RYR3: variants seen among roughly 807,000 people sequenced by gnomAD.
RYR3 encodes brain ryanodine receptor-calcium release channel.
In RYR3, 207 loss-of-function variants were observed where a neutral mutation model predicts 584.3. The ratio of observed to expected loss-of-function variants is 0.35; its 90% CI spans 0.32 to 0.40. The LOEUF (loss-of-function observed/expected upper bound fraction) is 0.40. Among genes scored for constraint, RYR3 ranks in the 10% least tolerant of loss-of-function variants. The pLI, the probability that RYR3 is intolerant of heterozygous loss-of-function variation, is 1.00. For missense variants in RYR3, 5,616 were observed against 6,089.2 expected (o/e 0.92, Z 2.59); for synonymous variants, 2,416 against 2,248.5 (o/e 1.07, Z -2.11).
chr15:33,554,179 T>A (rs914234874), intron 10 of RYR3, among the ~76,000 whole-genome samples: 42 of 152,280 alleles, frequency 2.8e-4, no homozygotes, highest in African/African-American at 9.9e-4. Flanking sequence ...TGCTTTATTT[T>A]TGCATCCCAG....
chr15:33,672,221 C>T (rs996497234), intron 38 of RYR3, among the ~76,000 whole-genome samples: 11 of 152,134 alleles, frequency 7.2e-5, no homozygotes, highest in African/African-American at 7.2e-5. Flanking sequence ...GATGAAGTCA[C>T]TTGTCACCTG....
intron 2 of RYR3, among the ~76,000 whole-genome samples, chr15:33,475,864 A>G (rs1057365923): frequency 3.9e-5 from 6 of 152,226 alleles, no homozygotes; most frequent in African/African-American, 1.4e-4. Flanking sequence ...TTATGATTTC[A>G]TATTGTACAA....
At position 33,834,970 on chromosome 15, in the gene RYR3, C is replaced by T. The variant is rs1567277782; in HGVS notation, c.11466C>T (p.Gly3822=). The T allele has an allele frequency of 6.2e-7, 1 of 1,613,512 alleles. No homozygotes were observed. The highest frequency in any genetic ancestry group is 2.2e-5 in the East Asian group (1 of 44,864). The part of the protein sequence containing the change: ...IFNSLTEYIQ[G]PCIGNQQSLA... ...TAAGAATGTCCTCTTCTCTGCAGGGCCCTTGCATTGGTAATCAACAGAGCC... is the reference window on the plus strand; with the variant it reads ...TAAGAATGTCCTCTTCTCTGCAGGGTCCTTGCATTGGTAATCAACAGAGCC... The change falls in exon 87 of 104, where the codon GGC becomes GGT. Residue 3822 remains glycine, a splice_region_variant and synonymous_variant. Coordinates refer to ENST00000634891, the MANE Select transcript of RYR3 (RefSeq NM_001036.6).
At chr15:33,530,410 A>G (rs1305818669) in intron 3 of RYR3, among the ~76,000 whole-genome samples, 182 bp from the exon 4 acceptor site, 2 of 152,174 alleles carry the variant, frequency 1.3e-5, no homozygotes. Flanking sequence ...AGGATGTTGC[A>G]TGGCTGTGGT....
intron 92 of RYR3, 76 bp downstream of exon 92, chr15:33,843,650 C>T (rs1009784466): frequency 1.7e-5 from 18 of 1,042,244 alleles, no homozygotes; most frequent in Non-Finnish European, 2.4e-5. Flanking sequence ...AGAATCATGA[C>T]AGAATTTGTG....
Position 33,854,783 on chromosome 15 carries a change from C to G in RYR3, c.13878C>G (p.Ala4626=), listed in dbSNP as rs1395244417. 1 of 1,609,704 alleles carries G rather than the reference C, an allele frequency of 6.2e-7. No homozygotes were observed. Among genetic ancestry groups the G allele is most frequent in the South Asian group, 1.1e-5 (1 of 89,854 alleles). ...ATTCCCAGTCCTTTCTCTACCTTGCCTGGTATACAACCATGTCAGTCCTGG... is the reference window on the plus strand; with the variant it reads ...ATTCCCAGTCCTTTCTCTACCTTGCGTGGTATACAACCATGTCAGTCCTGG... ...VFTDNSFLYL[A]WYTTMSVLGH... The change falls in exon 98 of 104, where the codon GCC becomes GCG. Residue 4626 remains alanine (A), a synonymous_variant. Transcript: ENST00000634891.
chr15:33,656,314 A>G (rs1400264116), intron 32 of RYR3, among the ~76,000 whole-genome samples: 1 of 152,236 alleles, frequency 6.6e-6, no homozygotes, highest in Non-Finnish European at 1.5e-5. Context: ...TGGTTGCGCA[A>G]TCCATGGGCA....
chr15:33,725,997 A>AAG (rs2068420591), intron 45 of RYR3, among the ~76,000 whole-genome samples: 2 of 132,228 alleles, frequency 1.5e-5, no homozygotes, highest in African/African-American at 5.7e-5. Flanking sequence ...AAAAAAAAAA[A>AAG]CAGAATTCTA....
chr15:33,857,992 C>G lies in RYR3; in HGVS notation c.14142+78C>G, dbSNP rs931604078. The G allele has an allele frequency of 1.6e-5, 26 of 1,577,160 alleles. No individual in the cohort carries two copies. In the African/African-American group the frequency reaches 3.4e-4, roughly 20 times the overall value. ...CCCACCACCTCACTGGGAAGAAGGG[C>G]TGTGTGGGGGTGCTCTTGAGAACTG... On this transcript the variant is annotated intron_variant, in intron 99 of 103. Coordinates refer to ENST00000634891, the MANE Select transcript of RYR3 (RefSeq NM_001036.6).
At chr15:33,832,502 A>G (rs1422100601) in intron 86 of RYR3, among the ~76,000 whole-genome samples, 5 of 151,758 alleles carry the variant, frequency 3.3e-5, no homozygotes, top group Admixed American at 3.3e-4. Flanking sequence ...TAAAAAATAC[A>G]AAAATTAGCT....
intron 87 of RYR3, among the ~76,000 whole-genome samples, chr15:33,836,056 T>C (rs2078022919): frequency 6.6e-6 from 1 of 152,054 alleles, no homozygotes; most frequent in Non-Finnish European, 1.5e-5. Context: ...CCATAGGTGA[T>C]GAAGATTCCT....
chr15:33,493,598 T>G (rs2051161574), intron 2 of RYR3, among the ~76,000 whole-genome samples: 1 of 152,204 alleles, frequency 6.6e-6, no homozygotes, highest in African/African-American at 2.4e-5. Flanking sequence ...GGTTCCAACT[T>G]TTCACCTATT....
intron 1 of RYR3, among the ~76,000 whole-genome samples, chr15:33,384,296 T>A (rs1489553678): frequency 6.6e-6 from 1 of 152,038 alleles, no homozygotes; most frequent in Non-Finnish European, 1.5e-5. Flanking sequence ...GTAAAGTGGA[T>A]GAAGAGTCTA....
Position 33,652,821 on chromosome 15 carries a change from G to C in RYR3, c.4246G>C (p.Asp1416His). 1 of 1,613,940 alleles carries C rather than the reference G, an allele frequency of 6.2e-7. No individual in the cohort carries two copies. The highest frequency in any genetic ancestry group is 8.5e-7 in the Non-Finnish European group (1 of 1,179,862). ...GGACCTGGAGATCGGCTGTCTCGTG[G>C]ATCTGGCCATGGGCATGTTGTCCTT... ...NVDLEIGCLV[D>H]LAMGMLSFSA... is the part of the protein sequence containing the mutation. Residue 1416 changes from aspartate to histidine, a missense_variant, in exon 32 of 104, where the codon GAT becomes CAT. Asp to His is a moderately conservative substitution (Grantham distance 81). This residue lies in a region of RYR3 where 753 missense variants were observed against 741.0 expected (regional missense o/e 1.02). Coordinates refer to ENST00000634891, the MANE Select transcript of RYR3 (RefSeq NM_001036.6).
rs751447717 is a variant in RYR3 at position 33,630,050 on chromosome 15, A to G, written c.2783+7A>G. On this transcript the variant is annotated splice_region_variant and intron_variant, in intron 22 of 103. Transcript: ENST00000634891. ...TGTCAACTGAAACCTTAAAGTGAGTATTTAATTGAGCTGAAGTTTTACAAA... is the reference window on the plus strand; with the variant it reads ...TGTCAACTGAAACCTTAAAGTGAGTGTTTAATTGAGCTGAAGTTTTACAAA... 1 of 1,499,790 alleles carries G rather than the reference A, an allele frequency of 6.7e-7. No homozygotes were observed. The highest frequency in any genetic ancestry group is 1.2e-5 in the South Asian group (1 of 83,088). The allele number at this position is 1,499,790 out of a possible 1,614,324, so 92.9% of individuals were successfully genotyped here. A position where few individuals can be genotyped will look rare whatever the true frequency, so the allele number is the denominator to read the frequency against.
chr15:33,653,823 C>T (rs888369449), intron 32 of RYR3, among the ~76,000 whole-genome samples: 2 of 152,110 alleles, frequency 1.3e-5, no homozygotes, highest in African/African-American at 4.8e-5. Context: ...TCCTTGATGG[C>T]CAGGTAAGGT....
At chr15:33,672,080 C>G (rs138830402) in intron 38 of RYR3, among the ~76,000 whole-genome samples, 1 of 152,136 alleles carries the variant, frequency 6.6e-6, no homozygotes, top group Non-Finnish European at 1.5e-5. Context: ...TCCCAAAGTG[C>G]TGGGATTACA....
At chr15:33,473,572 A>G (rs1179240535) in intron 2 of RYR3, 34 bp downstream of exon 2, 1 of 1,609,508 alleles carries the variant, frequency 6.2e-7, no homozygotes, top group Non-Finnish European at 8.5e-7. Context: ...ACCTTCTTCC[A>G]CCTTGGCGTC....
chr15:33,666,428 C>T (rs780330644), intron 36 of RYR3, among the ~76,000 whole-genome samples: 14 of 152,138 alleles, frequency 9.2e-5, no homozygotes, highest in East Asian at 1.9e-4. Flanking sequence ...GGACACTTAC[C>T]GCTATGAGAT....
Sources: allele counts gnomAD v4.1 joint callset (sites outside exome capture counted in the v4.1 genomes callset), GRCh38; gene constraint gnomAD v4.1.1; regional missense constraint gnomAD v4.1.1; transcripts MANE v1.5; gene names NCBI Gene and HGNC (gene_info 2026-07-23, HGNC 2026-07-21).